Variants in MAGI1 observed in about 807,000 individuals in gnomAD.
MAGI1 encodes the protein membrane-associated guanylate kinase, WW and PDZ domain-containing protein 1.
MAGI1 carries 58 observed loss-of-function variants against 139.9 expected under a neutral mutation model. The observed-to-expected ratio is 0.41, with a 90% CI of 0.34 to 0.52. The LOEUF (loss-of-function observed/expected upper bound fraction) is 0.52, where lower values mean the gene tolerates loss of function less well. Among genes scored for constraint, MAGI1 ranks in the 20% least tolerant of loss-of-function variants. The probability of loss-of-function intolerance (pLI) is 0.12; values close to 1 mark genes in which losing one functional copy is unlikely to be tolerated. For missense variants in MAGI1, 1,874 were observed against 1,901.6 expected, an observed-to-expected ratio of 0.99 and a Z score of 0.27; for synonymous variants, 812 against 737.9, an observed-to-expected ratio of 1.10 and a Z score of -1.63.
chr3:66,004,259 G>A (rs778527783), intron 1 of MAGI1, among the ~76,000 whole-genome samples: 5 of 152,192 alleles, frequency 3.3e-5, no homozygotes, highest in Non-Finnish European at 5.9e-5. Flanking sequence ...AGACAGAAAT[G>A]GGGACAGTTT....
At chr3:65,808,578 A>C (rs1401282002) in intron 1 of MAGI1, among the ~76,000 whole-genome samples, 1 of 152,212 alleles carries the variant, frequency 6.6e-6, no homozygotes, top group Non-Finnish European at 1.5e-5. Context: ...CTTCCAGCAC[A>C]ATGATTTTAT....
intron 1 of MAGI1, among the ~76,000 whole-genome samples, chr3:65,735,696 CA>C (rs1384544189): frequency 6.6e-6 from 1 of 152,068 alleles, no homozygotes; most frequent in South Asian, 2.1e-4. Flanking sequence ...CTACTGAAGA[CA>C]AAAAGAAAAG....
chr3:65,550,348 ATCTTGGTC>A (rs1348538686), intron 2 of MAGI1, among the ~76,000 whole-genome samples: 1 of 152,192 alleles, frequency 6.6e-6, no homozygotes, highest in Non-Finnish European at 1.5e-5. Context: ...AAAGTCCTGG[ATCTTGGTC>A]TCTCCATGCT....
intron 1 of MAGI1, among the ~76,000 whole-genome samples, chr3:65,800,429 C>G (rs766827874): frequency 2.0e-5 from 3 of 151,948 alleles, no homozygotes; most frequent in Admixed American, 6.6e-5. Flanking sequence ...TCTTTTTTAT[C>G]CCCACAAAGA....
intron 2 of MAGI1, among the ~76,000 whole-genome samples, chr3:65,502,378 T>TG (rs1371042769): frequency 7.4e-6 from 1 of 134,888 alleles, no homozygotes; most frequent in Non-Finnish European, 1.6e-5. Context: ...AATGTCAATT[T>TG]GAGACTTTCT....
chr3:65,999,169 C>G (rs1341817550), intron 1 of MAGI1, among the ~76,000 whole-genome samples: 1 of 152,066 alleles, frequency 6.6e-6, no homozygotes, highest in Non-Finnish European at 1.5e-5. Flanking sequence ...TATCAGCCAT[C>G]CCTTAGGTAT....
chr3:65,396,697 C>T (rs1056385146), intron 13 of MAGI1, among the ~76,000 whole-genome samples: 2 of 152,206 alleles, frequency 1.3e-5, no homozygotes, highest in Non-Finnish European at 2.9e-5. Flanking sequence ...GTTCACTTAT[C>T]TGCCAAGAGC....
chr3:65,812,586 C>T (rs1293298123), intron 1 of MAGI1, among the ~76,000 whole-genome samples: 1 of 150,200 alleles, frequency 6.7e-6, no homozygotes, highest in Non-Finnish European at 1.5e-5. Flanking sequence ...GAGCAAGGAC[C>T]GAATAAAATT....
intron 18 of MAGI1, among the ~76,000 whole-genome samples, chr3:65,373,461 G>A (rs1575547614): frequency 1.3e-5 from 2 of 152,090 alleles, no homozygotes; most frequent in African/African-American, 4.8e-5. Flanking sequence ...AATATTGTGA[G>A]AATTACCAAA....
At chr3:65,617,219 G>A (rs934702009) in intron 2 of MAGI1, among the ~76,000 whole-genome samples, 3 of 152,164 alleles carry the variant, frequency 2.0e-5, no homozygotes, top group Admixed American at 6.5e-5. Flanking sequence ...GATGAACAAA[G>A]TGTTAAGCTG....
chr3:65,937,422 T>G (rs2063117220), intron 1 of MAGI1, among the ~76,000 whole-genome samples: 1 of 151,990 alleles, frequency 6.6e-6, no homozygotes, highest in Admixed American at 6.6e-5. Context: ...ACCAGGAAAT[T>G]GTTTAGAAGT....
chr3:65,868,781 T>C (rs368011772), intron 1 of MAGI1, among the ~76,000 whole-genome samples: 3 of 152,188 alleles, frequency 2.0e-5, no homozygotes, highest in Admixed American at 6.5e-5. Context: ...TCTTAAACAA[T>C]TGTAGCTAGA....
chr3:65,626,798 G>A lies in MAGI1; in HGVS notation c.314-4710C>T, dbSNP rs76581665. On this transcript the variant is annotated intron_variant, in intron 1 of 22. Coordinates refer to ENST00000402939, the MANE Select transcript of MAGI1 (RefSeq NM_001033057.2). The stretch of plus-strand genomic sequence containing the variant: ...ATTTACTCTGAGTTCCATGACATTT[G>A]GACATGAAAAGTCTCAACCTTCACA... Among the ~76,000 whole-genome samples, 215 of 152,262 alleles carry A rather than the reference G, an allele frequency of 1.4e-3. 1 individual carries two copies. In the Middle Eastern group the frequency reaches 0.017, roughly 12 times the overall value.
intron 2 of MAGI1, among the ~76,000 whole-genome samples, chr3:65,602,966 T>C (rs2082552210): frequency 6.6e-6 from 1 of 152,128 alleles, no homozygotes; most frequent in Non-Finnish European, 1.5e-5. Flanking sequence ...TGTACAACTT[T>C]ATACCAATTA....
chr3:65,779,486 T>C (rs111582286), intron 1 of MAGI1, among the ~76,000 whole-genome samples: 6,317 of 152,336 alleles, frequency 0.041, 231 homozygotes, highest in African/African-American at 0.099. Context: ...CTGTGTGTTC[T>C]TGCATAAGGA....
intron 1 of MAGI1, among the ~76,000 whole-genome samples, chr3:65,839,708 C>T (rs573260302): frequency 2.6e-5 from 4 of 152,166 alleles, no homozygotes; most frequent in East Asian, 1.9e-4. Context: ...TTCTTAGACA[C>T]GACATTGAAA....
intron 4 of MAGI1, among the ~76,000 whole-genome samples, chr3:65,474,567 A>T (rs1015143808): frequency 6.6e-6 from 1 of 152,048 alleles, no homozygotes. Context: ...AACGAACATG[A>T]ATGACATTTT....
intron 3 of MAGI1, 119 bp downstream of exon 3, chr3:65,493,393 A>C (rs7641222): frequency 0.59 from 677,226 of 1,138,430 alleles, 203,352 homozygotes; most frequent in East Asian, 0.78. Flanking sequence ...AGGTGAACTG[A>C]AATCTCCTGT....
intron 3 of MAGI1, among the ~76,000 whole-genome samples, chr3:65,484,159 G>C (rs1333859084): frequency 6.6e-6 from 1 of 152,196 alleles, no homozygotes; most frequent in Non-Finnish European, 1.5e-5. Flanking sequence ...GTAATGATCA[G>C]GGTGGGCCTG....
Sources: allele counts gnomAD v4.1 joint callset (sites outside exome capture counted in the v4.1 genomes callset), GRCh38; gene constraint gnomAD v4.1.1; transcripts MANE v1.5; gene names NCBI Gene and HGNC (gene_info 2026-07-23, HGNC 2026-07-21).